PSD3: variants seen among roughly 807,000 people sequenced by gnomAD.
The protein encoded by PSD3 is pleckstrin and Sec7 domain containing 3.
PSD3 carries 49 observed loss-of-function variants against 105.5 expected under a neutral mutation model. The ratio of observed to expected loss-of-function variants is 0.46; its 90% CI spans 0.37 to 0.59. The LOEUF (loss-of-function observed/expected upper bound fraction) is 0.59. Among genes scored for constraint, PSD3 ranks in the 20% least tolerant of loss-of-function variants. PSD3 has a pLI of 0.00. For missense variants in PSD3, 1,561 were observed against 1,263.8 expected, an observed-to-expected ratio of 1.24 and a Z score of -3.57; for synonymous variants, 557 against 457.8, an observed-to-expected ratio of 1.22 and a Z score of -2.77.
chr8:18,795,025 A>G (rs1438597333), intron 8 of PSD3, among the ~76,000 whole-genome samples: 2 of 152,240 alleles, frequency 1.3e-5, no homozygotes, highest in Non-Finnish European at 2.9e-5. Flanking sequence ...AGCCAATGCA[A>G]TAATTAAGTT....
intron 8 of PSD3, among the ~76,000 whole-genome samples, chr8:18,786,000 CA>C (rs368682701): frequency 6.6e-6 from 1 of 152,292 alleles, no homozygotes; most frequent in African/African-American, 2.4e-5. Flanking sequence ...GAAAAATGTT[CA>C]GTGACTGCAA....
At chr8:18,743,701 G>T (rs372753519) in intron 9 of PSD3, among the ~76,000 whole-genome samples, 41 of 151,804 alleles carry the variant, frequency 2.7e-4, no homozygotes, top group African/African-American at 9.4e-4. Context: ...TATTTGGGAG[G>T]CCGAGGGGGA....
chr8:18,793,625 A>C (rs78761786), intron 8 of PSD3, among the ~76,000 whole-genome samples: 7 of 152,182 alleles, frequency 4.6e-5, no homozygotes, highest in Non-Finnish European at 8.8e-5. Flanking sequence ...AATTATGACC[A>C]TGGATGGAAT....
intron 4 of PSD3, among the ~76,000 whole-genome samples, chr8:18,817,448 G>C (rs769366684): frequency 6.1e-4 from 93 of 152,184 alleles, no homozygotes; most frequent in Non-Finnish European, 1.2e-3. Context: ...GCTAGTCTGT[G>C]ATTTTTCTAA....
intron 2 of PSD3, among the ~76,000 whole-genome samples, chr8:18,920,268 A>T (rs1473815154): frequency 2.0e-5 from 3 of 152,206 alleles, no homozygotes; most frequent in Non-Finnish European, 4.4e-5. Flanking sequence ...AGTGAAATCC[A>T]TCAACAATAT....
chr8:18,535,666 T>A lies in PSD3; in HGVS notation c.*77A>T. ...GTCACAGACTTTTTTTTTTTAAATA[T>A]ATTCACGGATTACCAGAAAGATCTT... On this transcript the variant is annotated 3_prime_UTR_variant, in exon 16 of 16. Coordinates refer to ENST00000327040, the MANE Select transcript of PSD3 (RefSeq NM_015310.4). 1 of 1,190,526 alleles carries A rather than the reference T, an allele frequency of 8.4e-7. No individual in the cohort carries two copies. Among genetic ancestry groups the A allele is most frequent in the Non-Finnish European group, 1.2e-6 (1 of 823,672 alleles). The allele number at this position is 1,190,526 out of a possible 1,614,324, so 73.7% of individuals were successfully genotyped here.
chr8:18,961,933 T>C (rs1823952467), intron 1 of PSD3, among the ~76,000 whole-genome samples: 2 of 152,026 alleles, frequency 1.3e-5, no homozygotes. Flanking sequence ...GCGAAAACCA[T>C]GTAAAATCTA....
At chr8:18,991,722 T>C (rs1472250784) in intron 1 of PSD3, among the ~76,000 whole-genome samples, 1 of 152,200 alleles carries the variant, frequency 6.6e-6, no homozygotes, top group Non-Finnish European at 1.5e-5. Flanking sequence ...TAAAGACATT[T>C]TGTCTGAGCT....
intron 4 of PSD3, among the ~76,000 whole-genome samples, chr8:18,827,538 G>A (rs990625570): frequency 2.0e-5 from 3 of 152,178 alleles, no homozygotes; most frequent in African/African-American, 7.2e-5. Context: ...ATTATGGAAG[G>A]TGACTGGATT....
intron 12 of PSD3, 118 bp downstream of exon 12, chr8:18,600,246 G>T: frequency 1.0e-6 from 1 of 974,804 alleles, no homozygotes; most frequent in Non-Finnish European, 1.5e-6. Flanking sequence ...TTTAACATCA[G>T]CAAACAAACT....
At chr8:18,564,371 G>A (rs560012693) in intron 14 of PSD3, among the ~76,000 whole-genome samples, 1 of 152,136 alleles carries the variant, frequency 6.6e-6, no homozygotes, top group Non-Finnish European at 1.5e-5. Flanking sequence ...GCTCACGCCT[G>A]TAATCCCAAC....
intron 9 of PSD3, among the ~76,000 whole-genome samples, chr8:18,697,315 A>G (rs1348125639): frequency 1.3e-5 from 2 of 152,142 alleles, no homozygotes; most frequent in Non-Finnish European, 2.9e-5. Flanking sequence ...TAAGAATGAG[A>G]TAAGAGAATT....
chr8:18,707,415 A>T (rs1563187397), intron 9 of PSD3, among the ~76,000 whole-genome samples: 1 of 152,208 alleles, frequency 6.6e-6, no homozygotes, highest in Admixed American at 6.5e-5. Flanking sequence ...AATTAATCCA[A>T]CAGCTTCAGG....
intron 12 of PSD3, among the ~76,000 whole-genome samples, chr8:18,588,360 G>A (rs1803349576): frequency 6.6e-6 from 1 of 152,140 alleles, no homozygotes; most frequent in African/African-American, 2.4e-5. Flanking sequence ...TAGTCTCTAG[G>A]ATCTGTGCAA....
rs541707653 is a variant in PSD3, at chr8:18,958,911, T to G, written c.22-22769A>C. Among the ~76,000 whole-genome samples, 6 of 134,542 alleles carry G rather than the reference T, an allele frequency of 4.5e-5. No homozygotes were observed. The Admixed American group carries it at 4.6e-4, about 10-fold the overall frequency. 88.3% of individuals were successfully genotyped at this position (134,542 alleles called of 152,430 possible). On this transcript the variant is annotated intron_variant, in intron 1 of 15. Transcript: ENST00000327040. Reference sequence around the variant, plus strand: ...ATATACAAACAGGATACAGAGGAGTTAAGTGGTGTTTTTTTTTTTTTTCTT... The same window carrying G: ...ATATACAAACAGGATACAGAGGAGTGAAGTGGTGTTTTTTTTTTTTTTCTT...
chr8:18,630,305 C>G (rs1230731758), intron 11 of PSD3, among the ~76,000 whole-genome samples: 6 of 151,906 alleles, frequency 3.9e-5, no homozygotes, highest in Non-Finnish European at 7.4e-5. Context: ...TAGCCTGGTA[C>G]AAGGTGTCTG....
intron 1 of PSD3, among the ~76,000 whole-genome samples, chr8:19,069,949 CTT>C (rs5889849): frequency 0.3 from 41,422 of 138,938 alleles, 5,971 homozygotes; most frequent in South Asian, 0.36. Context: ...TTTCTTTTTT[CTT>C]TTTTTTTTTT....
At chr8:18,644,825 G>A (rs1008825255) in intron 10 of PSD3, among the ~76,000 whole-genome samples, 2 of 152,156 alleles carry the variant, frequency 1.3e-5, no homozygotes, top group South Asian at 2.1e-4. Flanking sequence ...GGGTTGCTGT[G>A]AAAGAATTCC....
chr8:18,644,520 G>C (rs1322900498), intron 10 of PSD3, among the ~76,000 whole-genome samples: 1 of 152,070 alleles, frequency 6.6e-6, no homozygotes, highest in Non-Finnish European at 1.5e-5. Flanking sequence ...TTCTACCTGA[G>C]ACCTCATCAA....
Sources: allele counts gnomAD v4.1 joint callset (sites outside exome capture counted in the v4.1 genomes callset), GRCh38; gene constraint gnomAD v4.1.1; transcripts MANE v1.5; gene names NCBI Gene and HGNC (gene_info 2026-07-23, HGNC 2026-07-21).